GRM3: variants seen among roughly 807,000 people sequenced by gnomAD.
GRM3 encodes glutamate metabotropic receptor 3, also known as metabotropic glutamate receptor 3.
In GRM3, 26 loss-of-function variants were observed where a neutral mutation model predicts 70.5. The observed-to-expected ratio is 0.37, with a 90% CI of 0.27 to 0.51. The LOEUF (loss-of-function observed/expected upper bound fraction) is 0.51. GRM3 is among the 20% of genes least tolerant of loss of function. The probability of loss-of-function intolerance (pLI) is 0.93; values close to 1 mark genes in which losing one functional copy is unlikely to be tolerated. For missense variants in GRM3, 859 were observed against 1,123.8 expected (o/e 0.76, Z 3.37); for synonymous variants, 443 against 434.9 (o/e 1.02, Z -0.23).
At chr7:86,859,875 A>G (rs1022739183) in intron 5 of GRM3, among the ~76,000 whole-genome samples, 1 of 152,222 alleles carries the variant, frequency 6.6e-6, no homozygotes, top group African/African-American at 2.4e-5. Context: ...AGAGCAAGAC[A>G]AAGCTGCCAC....
chr7:86,850,267 A>C, intron 4 of GRM3, 103 bp from the exon 5 acceptor site: 1 of 723,674 alleles, frequency 1.4e-6, no homozygotes, highest in Non-Finnish European at 2.4e-6. Context: ...AGAGCTGTCA[A>C]TTATTCTGGA....
At chr7:86,702,984 C>T (rs1489105230) in intron 1 of GRM3, among the ~76,000 whole-genome samples, 1 of 151,918 alleles carries the variant, frequency 6.6e-6, no homozygotes, top group Non-Finnish European at 1.5e-5. Flanking sequence ...TATAAACTTT[C>T]TTCAGTTAAA....
Position 86,839,558 on chromosome 7 carries a change from T to C in GRM3, c.2044T>C (p.Phe682Leu). 6.2e-7 allele frequency: 1 copy of C among 1,609,602 alleles called. No homozygotes were observed. Among genetic ancestry groups the C allele is most frequent in the Non-Finnish European group, 8.5e-7 (1 of 1,177,260 alleles). Reference sequence around the variant, plus strand: ...CAAGAATGGCGCTCAGAGGCCAAAATTCATCAGCCCCAGTTCTCAGGTTTT... The same window carrying C: ...CAAGAATGGCGCTCAGAGGCCAAAACTCATCAGCCCCAGTTCTCAGGTTTT... The part of the protein sequence containing the change: ...GVKNGAQRPK[F>L]ISPSSQVFIC... Residue 682 changes from phenylalanine (F) to leucine (L), a missense_variant, in exon 4 of 6, where the codon TTC becomes CTC. Phe to Leu is a conservative substitution (Grantham distance 22, BLOSUM62 0). Coordinates refer to ENST00000361669, the MANE Select transcript of GRM3 (RefSeq NM_000840.3). The surrounding 1 kb of genome is among the most constrained non-coding windows in gnomAD (Gnocchi z 4.5).
chr7:86,659,212 T>C (rs1793828818), intron 1 of GRM3, among the ~76,000 whole-genome samples: 1 of 152,172 alleles, frequency 6.6e-6, no homozygotes, highest in Non-Finnish European at 1.5e-5. Flanking sequence ...TTAAATGCAG[T>C]TTGTGGCAAT....
chr7:86,728,761 T>C (rs1795651793), intron 1 of GRM3, among the ~76,000 whole-genome samples: 1 of 152,210 alleles, frequency 6.6e-6, no homozygotes, highest in Non-Finnish European at 1.5e-5. Flanking sequence ...GTTGGGATTT[T>C]ATCATTTAGC....
At chr7:86,805,252 C>A (rs1176326738) in intron 3 of GRM3, among the ~76,000 whole-genome samples, 1 of 152,116 alleles carries the variant, frequency 6.6e-6, no homozygotes, top group Non-Finnish European at 1.5e-5. Flanking sequence ...ATATTATAGA[C>A]CTTTTTTTTA....
chr7:86,706,412 C>T (rs1194384690), intron 1 of GRM3, among the ~76,000 whole-genome samples: 1 of 152,034 alleles, frequency 6.6e-6, no homozygotes, highest in Non-Finnish European at 1.5e-5. Context: ...AGAGGATAGA[C>T]ACACAATAGA....
intron 1 of GRM3, among the ~76,000 whole-genome samples, chr7:86,689,282 A>T (rs1469413431): frequency 6.6e-6 from 1 of 151,970 alleles, no homozygotes; most frequent in Admixed American, 6.6e-5. Context: ...AAGTTGCCAC[A>T]AACTACTAAG....
chr7:86,864,595 G>T lies in GRM3; in HGVS notation c.*240G>T. ...GGAAATAACCATTGTTTACAGAGCT[G>T]AGCATTGGTGACAGGGTCTGACATG... On this transcript the variant is annotated 3_prime_UTR_variant, in exon 6 of 6. Transcript: ENST00000361669. 2 of 310,296 alleles carry T rather than the reference G, an allele frequency of 6.4e-6. No homozygotes were observed. Among genetic ancestry groups the T allele is most frequent in the Non-Finnish European group, 1.2e-5 (2 of 169,376 alleles). The allele number at this position is 310,296 out of a possible 1,614,324, so 19.2% of individuals were successfully genotyped here.
intron 1 of GRM3, among the ~76,000 whole-genome samples, chr7:86,749,962 A>G (rs13437644): frequency 0.022 from 3,318 of 152,072 alleles, 82 homozygotes; most frequent in African/African-American, 0.06. Flanking sequence ...GTTTGCCCCT[A>G]AGCTAGTTTT....
chr7:86,660,062 A>G (rs771210841), intron 1 of GRM3, among the ~76,000 whole-genome samples: 24 of 152,078 alleles, frequency 1.6e-4, no homozygotes, highest in Non-Finnish European at 3.1e-4. Flanking sequence ...TCAGAATAGT[A>G]TATTTGCGTG....
intron 1 of GRM3, 72 bp downstream of exon 1, chr7:86,644,944 T>C (rs1025809490): frequency 2.5e-6 from 2 of 788,066 alleles, no homozygotes; most frequent in African/African-American, 3.6e-5. Context: ...GGGTGCCGCG[T>C]GGGGCAGGCG....
chr7:86,719,128 GA>G lies in GRM3; in HGVS notation c.-140-45870del, dbSNP rs371406103. Among the ~76,000 whole-genome samples, 598 of 151,180 alleles carry G rather than the reference GA, an allele frequency of 4.0e-3. 4 individuals are homozygous for G. The highest frequency in any genetic ancestry group is 0.014 in the African/African-American group (560 of 41,300). On this transcript the variant is annotated intron_variant, in intron 1 of 5. Transcript: ENST00000361669. ...GGTTCTGATCCAAGCAGTTCTGGGG[GA>G]AAAAAAAGATGTAGTGAAAAAATAC...
intron 1 of GRM3, among the ~76,000 whole-genome samples, chr7:86,717,768 A>G (rs1332538104): frequency 1.3e-5 from 2 of 151,996 alleles, no homozygotes; most frequent in Non-Finnish European, 2.9e-5. Context: ...AAAGATGGGC[A>G]TCGAGGAAAG....
chr7:86,702,946 G>A (rs992170756), intron 1 of GRM3, among the ~76,000 whole-genome samples: 1 of 151,904 alleles, frequency 6.6e-6, no homozygotes, highest in African/African-American at 2.4e-5. Context: ...CCCATGTTGA[G>A]TCCTAGGAGA....
At chr7:86,734,818 T>C (rs1795818000) in intron 1 of GRM3, among the ~76,000 whole-genome samples, 2 of 152,202 alleles carry the variant, frequency 1.3e-5, no homozygotes, top group Admixed American at 6.5e-5. Flanking sequence ...CTCCTCTATA[T>C]TCCCCCTTCA....
chr7:86,697,183 C>T (rs1026291866), intron 1 of GRM3, among the ~76,000 whole-genome samples: 1 of 151,606 alleles, frequency 6.6e-6, no homozygotes, highest in Non-Finnish European at 1.5e-5. Context: ...TCTTTGAAAC[C>T]ACATACCCAA....
At chr7:86,708,637 C>T (rs1012781270) in intron 1 of GRM3, among the ~76,000 whole-genome samples, 1 of 152,092 alleles carries the variant, frequency 6.6e-6, no homozygotes, top group African/African-American at 2.4e-5. Context: ...GATTTAAACA[C>T]ATTTCCTCTT....
At chr7:86,680,212 G>A (rs958818217) in intron 1 of GRM3, among the ~76,000 whole-genome samples, 7 of 152,080 alleles carry the variant, frequency 4.6e-5, no homozygotes, top group Non-Finnish European at 8.8e-5. Context: ...ATTACTGAAG[G>A]GACCATGGGT....
Sources: gnomAD v4.1 joint callset for allele counts (sites outside exome capture counted in the v4.1 genomes callset) on GRCh38, gnomAD v4.1.1 for gene constraint, Gnocchi (gnomAD v3.1) non-coding constraint, MANE v1.5 for transcripts, NCBI Gene and HGNC (gene_info 2026-07-23, HGNC 2026-07-21) for gene names.